Variants in LINGO2 observed in about 807,000 individuals in gnomAD.
LINGO2 encodes leucine-rich repeat and immunoglobulin-like domain-containing nogo receptor-interacting protein 2.
LINGO2 carries 14 observed loss-of-function variants against 30.6 expected under a neutral mutation model. The ratio of observed to expected loss-of-function variants is 0.46; its 90% CI spans 0.30 to 0.72. The LOEUF (loss-of-function observed/expected upper bound fraction) is 0.72, where lower values mean the gene tolerates loss of function less well. Among genes scored for constraint, LINGO2 ranks in the 30% least tolerant of loss-of-function variants. LINGO2 has a pLI of 0.07. For missense variants in LINGO2, 729 were observed against 751.7 expected (o/e 0.97, Z 0.35); for synonymous variants, 317 against 288.5 (o/e 1.10, Z -1.00).
chr9:28,620,825 G>A (rs118178410), intron 1 of LINGO2, among the ~76,000 whole-genome samples: 3 of 151,960 alleles, frequency 2.0e-5, no homozygotes, highest in Admixed American at 6.6e-5. Flanking sequence ...AGGACCTTTC[G>A]GAGGGTGGAG....
At chr9:28,331,458 T>G (rs1825415701) in intron 3 of LINGO2, among the ~76,000 whole-genome samples, 1 of 152,134 alleles carries the variant, frequency 6.6e-6, no homozygotes, top group Admixed American at 6.6e-5. Context: ...AGGAGTACAT[T>G]TTCTGATGCA....
intron 1 of LINGO2, among the ~76,000 whole-genome samples, chr9:28,535,361 G>C (rs1213455097): frequency 6.6e-6 from 1 of 151,938 alleles, no homozygotes; most frequent in African/African-American, 2.4e-5. Flanking sequence ...TTAGTATTCT[G>C]ATAAAAGACA....
chr9:28,272,985 C>A (rs540170951), intron 4 of LINGO2, among the ~76,000 whole-genome samples: 2 of 152,314 alleles, frequency 1.3e-5, no homozygotes, highest in South Asian at 4.1e-4. Context: ...GCTCCCAGCT[C>A]ATTTTGAGTC....
the LINGO2 span, among the ~76,000 whole-genome samples, chr9:29,174,991 T>A: frequency 6.6e-6 from 1 of 152,184 alleles, no homozygotes; most frequent in African/African-American, 2.4e-5. Flanking sequence ...CTGGGTGCAG[T>A]GGCTCATGCC....
intron 3 of LINGO2, among the ~76,000 whole-genome samples, chr9:28,323,697 G>A (rs1825127912): frequency 6.6e-6 from 1 of 152,050 alleles, no homozygotes; most frequent in East Asian, 1.9e-4. Flanking sequence ...GCAAACATAA[G>A]TTCGGAGAAC....
the LINGO2 span, among the ~76,000 whole-genome samples, chr9:28,739,760 G>A: frequency 6.6e-6 from 1 of 151,478 alleles, no homozygotes; most frequent in Non-Finnish European, 1.5e-5. Flanking sequence ...CTAGCTTTAT[G>A]ACAGTACAAT....
chr9:28,895,726 C>T, the LINGO2 span, among the ~76,000 whole-genome samples: 1 of 151,872 alleles, frequency 6.6e-6, no homozygotes, highest in Non-Finnish European at 1.5e-5. Flanking sequence ...CTAAGTGTTA[C>T]GGGGATGTCA....
intron 5 of LINGO2, among the ~76,000 whole-genome samples, chr9:28,000,431 C>T (rs1214171422): frequency 6.6e-6 from 1 of 152,174 alleles, no homozygotes; most frequent in African/African-American, 2.4e-5. Flanking sequence ...TATTTTCCTT[C>T]TGGCTCCTTC....
intron 4 of LINGO2, among the ~76,000 whole-genome samples, chr9:28,089,833 G>T (rs565802307): frequency 6.6e-6 from 1 of 151,984 alleles, no homozygotes; most frequent in East Asian, 1.9e-4. Flanking sequence ...CTAATAAAAA[G>T]AAAAGAGAGA....
intron 4 of LINGO2, among the ~76,000 whole-genome samples, chr9:28,140,929 C>T (rs1287787464): frequency 6.7e-6 from 1 of 150,048 alleles, no homozygotes; most frequent in Non-Finnish European, 1.5e-5. Context: ...TTAATATAAT[C>T]TTTACTTAAT....
the LINGO2 span, among the ~76,000 whole-genome samples, chr9:28,929,091 T>A: frequency 2.0e-5 from 3 of 152,186 alleles, no homozygotes; most frequent in Non-Finnish European, 4.4e-5. Flanking sequence ...CAGGTGAAGC[T>A]AGATGATATT....
At chr9:28,848,668 G>C in the LINGO2 span, among the ~76,000 whole-genome samples, 1 of 151,148 alleles carries the variant, frequency 6.6e-6, no homozygotes, top group Non-Finnish European at 1.5e-5. Context: ...TTTTCCTCAA[G>C]TCTTATATTT....
chr9:28,433,939 CTCTCTCTCTCTATATA>C (rs1823792356), intron 2 of LINGO2, among the ~76,000 whole-genome samples: 1 of 50,002 alleles, frequency 2.0e-5, no homozygotes, highest in Non-Finnish European at 5.5e-5. Flanking sequence ...CTCTCTCTCT[CTCTCTCTCTCTATATA>C]TATATATATA....
chr9:28,617,579 G>A (rs1259152002), intron 1 of LINGO2, among the ~76,000 whole-genome samples: 1 of 152,090 alleles, frequency 6.6e-6, no homozygotes, highest in East Asian at 1.9e-4. Flanking sequence ...ACAGGCGTGA[G>A]CCACCGCGCC....
chr9:29,152,604 C>T, the LINGO2 span, among the ~76,000 whole-genome samples: 1 of 152,062 alleles, frequency 6.6e-6, no homozygotes, highest in South Asian at 2.1e-4. Context: ...ACACTGAATA[C>T]ACATGGACAT....
rs1554730570 is a variant in LINGO2, at chr9:28,512,591, GTGTATATATATATATATATA to G, written c.-364-36586_-364-36567del. Among the ~76,000 whole-genome samples the G allele has an allele frequency of 7.9e-3, 125 of 15,828 alleles. 4 individuals carry two copies. The highest frequency in any genetic ancestry group is 0.066 in the South Asian group (23 of 350). The allele number at this position is 15,828 out of a possible 152,430, so 10.4% of individuals were successfully genotyped here. A position where few individuals can be genotyped will look rare whatever the true frequency, so the allele number is the denominator to read the frequency against. ...GACAGAACTAACAGGATATATATGTGTGTATATATATATATATATATATATATATATATATATATATATAT... is the reference window on the plus strand; with the variant it reads ...GACAGAACTAACAGGATATATATGTGTATATATATATATATATATATATAT... On this transcript the variant is annotated intron_variant, in intron 1 of 5. Coordinates refer to ENST00000379992, the Ensembl canonical transcript of LINGO2.
intron 4 of LINGO2, among the ~76,000 whole-genome samples, chr9:28,198,599 G>A (rs2133808232): frequency 6.6e-6 from 1 of 152,214 alleles, no homozygotes; most frequent in South Asian, 2.1e-4. Flanking sequence ...GAAGTGTCTT[G>A]AGGAACTTCC....
intron 4 of LINGO2, among the ~76,000 whole-genome samples, chr9:28,093,830 T>C (rs1826168458): frequency 6.6e-6 from 1 of 151,816 alleles, no homozygotes; most frequent in Non-Finnish European, 1.5e-5. Context: ...ATGTGTCTCT[T>C]TCCCAGTAGC....
chr9:28,439,935 A>C (rs1824122672), intron 2 of LINGO2, among the ~76,000 whole-genome samples: 1 of 152,068 alleles, frequency 6.6e-6, no homozygotes, highest in Non-Finnish European at 1.5e-5. Flanking sequence ...CTTCTCTGAA[A>C]TCCTAAATCC....
Sources: allele counts gnomAD v4.1 joint callset (sites outside exome capture counted in the v4.1 genomes callset), GRCh38; gene constraint gnomAD v4.1.1; transcripts MANE v1.5; gene names NCBI Gene and HGNC (gene_info 2026-07-23, HGNC 2026-07-21).